The following SNCAIP variants were observed in gnomAD, a reference collection of about 807,000 sequenced individuals.
SNCAIP encodes the protein synuclein alpha interacting protein.
Under a neutral mutation model 86.7 loss-of-function variants are expected in SNCAIP, and 43 were observed. The observed-to-expected ratio is 0.50, with a 90% confidence interval of 0.39 to 0.64. SNCAIP has a LOEUF of 0.64. Ranked by LOEUF, SNCAIP falls within the 30% of genes least tolerant of loss-of-function variation. The probability of loss-of-function intolerance (pLI) is 0.00; values close to 1 mark genes in which losing one functional copy is unlikely to be tolerated. For missense variants in SNCAIP, 981 were observed against 1,103.1 expected, an observed-to-expected ratio of 0.89 and a Z score of 1.57; for synonymous variants, 417 against 427.2, an observed-to-expected ratio of 0.98 and a Z score of 0.29.
intron 1 of SNCAIP, among the ~76,000 whole-genome samples, chr5:122,329,804 A>G (rs898993486): frequency 6.6e-6 from 1 of 152,216 alleles, no homozygotes; most frequent in Non-Finnish European, 1.5e-5. Flanking sequence ...TTTTCAAGTA[A>G]ATATGGAAAT....
intron 1 of SNCAIP, among the ~76,000 whole-genome samples, chr5:122,317,054 G>T (rs552737041): frequency 2.6e-5 from 4 of 152,060 alleles, no homozygotes; most frequent in South Asian, 2.1e-4. Flanking sequence ...GTGCAGTAAC[G>T]TTTTTTTAAA....
chr5:122,439,107 A>AAAAAACAAAGG (rs1377410008), intron 6 of SNCAIP, among the ~76,000 whole-genome samples: 1 of 152,234 alleles, frequency 6.6e-6, no homozygotes, highest in Non-Finnish European at 1.5e-5. Flanking sequence ...CTAATTAGAA[A>AAAAAACAAAGG]AAAAACAAAG....
intron 1 of SNCAIP, among the ~76,000 whole-genome samples, chr5:122,347,857 T>C (rs1324994983): frequency 6.6e-6 from 1 of 152,110 alleles, no homozygotes; most frequent in Admixed American, 6.6e-5. Flanking sequence ...TTGGGAAACA[T>C]TCATTCTGAT....
At chr5:122,399,209 C>G (rs1771259069) in intron 2 of SNCAIP, among the ~76,000 whole-genome samples, 1 of 152,112 alleles carries the variant, frequency 6.6e-6, no homozygotes, top group African/African-American at 2.4e-5. Context: ...TCTGAGGGCA[C>G]ACTTAGAAAA....
At chr5:122,384,492 C>G (rs868529307) in intron 1 of SNCAIP, among the ~76,000 whole-genome samples, 2 of 152,134 alleles carry the variant, frequency 1.3e-5, no homozygotes, top group Admixed American at 6.5e-5. Flanking sequence ...GCCCTGGTTG[C>G]GTGAATTTGA....
At chr5:122,325,305 T>G (rs1334665043) in intron 1 of SNCAIP, among the ~76,000 whole-genome samples, 1 of 152,062 alleles carries the variant, frequency 6.6e-6, no homozygotes, top group African/African-American at 2.4e-5. Context: ...AGCAAAAGAT[T>G]AACAAACAGG....
chr5:122,395,526 T>C (rs1211096699), intron 2 of SNCAIP, among the ~76,000 whole-genome samples: 1 of 152,160 alleles, frequency 6.6e-6, no homozygotes, highest in Non-Finnish European at 1.5e-5. Context: ...GGCAAAAAAT[T>C]ATGTGGGTTC....
At chr5:122,440,508 C>T (rs751739732) in intron 6 of SNCAIP, 121 bp from the exon 7 acceptor site, 59 of 919,554 alleles carry the variant, frequency 6.4e-5, no homozygotes, top group Admixed American at 5.4e-5. Context: ...AGAATTTTCT[C>T]TTGCTACGGT....
At chr5:122,345,103 C>T (rs868097547) in intron 1 of SNCAIP, among the ~76,000 whole-genome samples, 6 of 152,168 alleles carry the variant, frequency 3.9e-5, no homozygotes, top group Non-Finnish European at 8.8e-5. Context: ...TACTGACCAC[C>T]ACTGAAATTT....
At chr5:122,400,856 T>C in intron 2 of SNCAIP, 5 of 975,170 alleles carry the variant, frequency 5.1e-6, no homozygotes, top group Non-Finnish European at 7.1e-6. Context: ...GAAAACAAAT[T>C]TAGATCAAAA....
At chr5:122,401,883 A>G (rs1038505745) in intron 2 of SNCAIP, among the ~76,000 whole-genome samples, 2 of 152,222 alleles carry the variant, frequency 1.3e-5, no homozygotes, top group Non-Finnish European at 2.9e-5. Flanking sequence ...TACAGCGAAT[A>G]CATCAGAGAT....
intron 3 of SNCAIP, among the ~76,000 whole-genome samples, chr5:122,420,196 C>G (rs1242240312): frequency 6.6e-6 from 1 of 152,190 alleles, no homozygotes; most frequent in Non-Finnish European, 1.5e-5. Context: ...TCTTCAGTTT[C>G]TAGATCCTTC....
intron 1 of SNCAIP, among the ~76,000 whole-genome samples, chr5:122,325,006 G>T (rs1417700233): frequency 6.6e-6 from 1 of 152,172 alleles, no homozygotes; most frequent in Non-Finnish European, 1.5e-5. Context: ...TCAGAACAAG[G>T]CCTGGCTCAG....
intron 1 of SNCAIP, among the ~76,000 whole-genome samples, chr5:122,346,975 G>A (rs1758735765): frequency 1.3e-5 from 2 of 152,002 alleles, no homozygotes; most frequent in South Asian, 4.1e-4. Flanking sequence ...ATTGTCAATG[G>A]ATTGTGTAGG....
chr5:122,333,695 T>C (rs1168730899), intron 1 of SNCAIP, among the ~76,000 whole-genome samples: 1 of 152,254 alleles, frequency 6.6e-6, no homozygotes, highest in Admixed American at 6.5e-5. Context: ...GCTTAAGCAA[T>C]CATGGTATCT....
intron 1 of SNCAIP, among the ~76,000 whole-genome samples, chr5:122,342,227 T>C (rs148058528): frequency 3.7e-4 from 57 of 152,236 alleles, no homozygotes; most frequent in African/African-American, 1.3e-3. Context: ...TGTTGTCTTG[T>C]CACCCGAGTA....
intron 1 of SNCAIP, among the ~76,000 whole-genome samples, chr5:122,324,533 T>G (rs1246599045): frequency 6.6e-6 from 1 of 152,242 alleles, no homozygotes; most frequent in Non-Finnish European, 1.5e-5. Flanking sequence ...AATGAATCCT[T>G]CAACATGTCT....
intron 1 of SNCAIP, among the ~76,000 whole-genome samples, chr5:122,349,289 G>GA (rs1368757377): frequency 6.6e-6 from 1 of 152,112 alleles, no homozygotes; most frequent in Non-Finnish European, 1.5e-5. Context: ...TCCCACCCCA[G>GA]AAAAATTAAA....
At chr5:122,346,744 T>C (rs1758690771) in intron 1 of SNCAIP, among the ~76,000 whole-genome samples, 1 of 151,764 alleles carries the variant, frequency 6.6e-6, no homozygotes, top group Admixed American at 6.6e-5. Flanking sequence ...AATTCATTTC[T>C]GATGATTTAT....
Sources: gnomAD v4.1 joint callset for allele counts (sites outside exome capture counted in the v4.1 genomes callset) on GRCh38, gnomAD v4.1.1 for gene constraint, MANE v1.5 for transcripts, NCBI Gene and HGNC (gene_info 2026-07-23, HGNC 2026-07-21) for gene names.